Variants in TAOK3 observed in about 807,000 individuals in gnomAD.
TAOK3 encodes serine/threonine-protein kinase TAO3.
Under a neutral mutation model 120.4 loss-of-function variants are expected in TAOK3, and 40 were observed. That is an observed-to-expected ratio of 0.33 (90% CI 0.26 to 0.43). TAOK3 has a LOEUF of 0.43. Ranked by LOEUF, TAOK3 falls within the 20% of genes least tolerant of loss-of-function variation. The pLI is 1.00. For synonymous variants in TAOK3, 355 were observed against 387.5 expected (o/e 0.92, Z 0.99); for missense variants, 821 against 1,112.1 (o/e 0.74, Z 3.72).
chr12:118,225,216 C>G (rs2039442365), intron 9 of TAOK3, among the ~76,000 whole-genome samples: 1 of 131,832 alleles, frequency 7.6e-6, no homozygotes, highest in Non-Finnish European at 1.5e-5. Context: ...CCATTGCACT[C>G]TAGCCTGGGT....
Position 118,151,285 on chromosome 12 carries a change from G to A in TAOK3, c.2536-127C>T, listed in dbSNP as rs867296021. ...ATAGGCACACACATGAAGTGCGCGC[G>A]CGCGCACACACACACACACACACAC... On this transcript the variant is annotated intron_variant, in intron 20 of 20. Transcript: ENST00000392533. The A allele has an allele frequency of 2.5e-3, 1,558 of 612,498 alleles. 16 individuals carry two copies. The African/African-American group carries it at 0.034, about 13-fold the overall frequency. 37.9% of individuals were successfully genotyped at this position (612,498 alleles called of 1,614,324 possible). A position where few individuals can be genotyped will look rare whatever the true frequency, so the allele number is the denominator to read the frequency against.
At chr12:118,364,788 G>A (rs906639062) in intron 1 of TAOK3, among the ~76,000 whole-genome samples, 17 of 152,136 alleles carry the variant, frequency 1.1e-4, no homozygotes, top group Admixed American at 2.6e-4. Flanking sequence ...GCCTGTAATC[G>A]CAGCTACTCC....
chr12:118,363,398 T>C (rs1464861318), intron 1 of TAOK3, among the ~76,000 whole-genome samples: 1 of 152,184 alleles, frequency 6.6e-6, no homozygotes, highest in Non-Finnish European at 1.5e-5. Context: ...AAGATACTAG[T>C]TGCAAGACAC....
intron 1 of TAOK3, among the ~76,000 whole-genome samples, chr12:118,360,141 C>T (rs1449409899): frequency 2.6e-5 from 4 of 151,468 alleles, no homozygotes; most frequent in Non-Finnish European, 4.4e-5. Context: ...GGCAGGAGGC[C>T]GTAATCTCAG....
intron 16 of TAOK3, among the ~76,000 whole-genome samples, chr12:118,176,756 T>C (rs998109741): frequency 2.0e-5 from 3 of 152,014 alleles, no homozygotes; most frequent in Non-Finnish European, 4.4e-5. Context: ...TCTGTTTTAA[T>C]AGCATTTTAG....
chr12:118,233,780 G>T lies in TAOK3; in HGVS notation c.552-15C>A, dbSNP rs776931450. On this transcript the variant is annotated splice_polypyrimidine_tract_variant and intron_variant, in intron 8 of 20. Coordinates refer to ENST00000392533, the MANE Select transcript of TAOK3 (RefSeq NM_016281.4). ...CTGGAGCCATCCTACCAAACATAAGGTACAAAACTCAAGTTGGAGATTAAA... is the reference window on the plus strand; with the variant it reads ...CTGGAGCCATCCTACCAAACATAAGTTACAAAACTCAAGTTGGAGATTAAA... The T allele has an allele frequency of 6.3e-7, 1 of 1,576,562 alleles. No homozygotes were observed. The highest frequency in any genetic ancestry group is 8.6e-7 in the Non-Finnish European group (1 of 1,159,908).
rs1462893288 is a variant in TAOK3 at position 118,372,884 on chromosome 12, GC to G, written c.-431del. ...GGACCCTCCCGCGGCCGCCGCCGCT[GC>G]TGCTGTCCGAGGTGCGGCTCCTGCC... On this transcript the variant is annotated 5_prime_UTR_variant, in exon 1 of 21. Coordinates refer to ENST00000392533, the MANE Select transcript of TAOK3 (RefSeq NM_016281.4). The surrounding 1 kb of genome is among the most constrained non-coding windows in gnomAD (Gnocchi z 4.6). The G allele has an allele frequency of 6.5e-6, 1 of 154,448 alleles. No homozygotes were observed. The highest frequency in any genetic ancestry group is 2.4e-5 in the African/African-American group (1 of 41,474). The allele number at this position is 154,448 out of a possible 1,614,324, so 9.6% of individuals were successfully genotyped here. A position where few individuals can be genotyped will look rare whatever the true frequency, so the allele number is the denominator to read the frequency against.
At chr12:118,286,473 T>C (rs977373202) in intron 1 of TAOK3, among the ~76,000 whole-genome samples, 2 of 151,348 alleles carry the variant, frequency 1.3e-5, no homozygotes, top group African/African-American at 2.4e-5. Context: ...TATGAAAAAA[T>C]GCTCAACATC....
chr12:118,300,172 G>C (rs755123568), intron 1 of TAOK3, among the ~76,000 whole-genome samples: 84 of 152,176 alleles, frequency 5.5e-4, no homozygotes, highest in Non-Finnish European at 8.2e-4. Context: ...TTTAGAACTA[G>C]AGACAGCAAG....
At chr12:118,242,043 C>T (rs967095509) in intron 5 of TAOK3, among the ~76,000 whole-genome samples, 5 of 150,328 alleles carry the variant, frequency 3.3e-5, no homozygotes, top group African/African-American at 9.8e-5. Flanking sequence ...GCCGAGATCG[C>T]GCCATTGCAC....
intron 10 of TAOK3, among the ~76,000 whole-genome samples, chr12:118,213,721 A>G (rs1291234563): frequency 6.6e-6 from 1 of 152,146 alleles, no homozygotes; most frequent in African/African-American, 2.4e-5. Flanking sequence ...CAAGACCATC[A>G]TGACCTGGGA....
chr12:118,285,042 A>G (rs1301572711), intron 1 of TAOK3, among the ~76,000 whole-genome samples: 2 of 150,584 alleles, frequency 1.3e-5, no homozygotes, highest in Non-Finnish European at 3.0e-5. Context: ...TTGTCTTTCT[A>G]TGGGAATATA....
At chr12:118,210,335 A>G (rs1485693750) in intron 11 of TAOK3, among the ~76,000 whole-genome samples, 1 of 152,204 alleles carries the variant, frequency 6.6e-6, no homozygotes, top group Non-Finnish European at 1.5e-5. Flanking sequence ...TTATAATTTA[A>G]GAACATCTTG....
At chr12:118,168,992 CCTTCCTTCCTTTCTTT>C (rs2035801062) in intron 17 of TAOK3, among the ~76,000 whole-genome samples, 1 of 69,854 alleles carries the variant, frequency 1.4e-5, no homozygotes, top group South Asian at 4.3e-4. Context: ...TTCCTTCCTT[CCTTCCTTCCTTTCTTT>C]CTTTCTTTCT....
intron 9 of TAOK3, among the ~76,000 whole-genome samples, chr12:118,219,178 T>G (rs528941524): frequency 6.6e-6 from 1 of 152,132 alleles, no homozygotes; most frequent in Non-Finnish European, 1.5e-5. Flanking sequence ...AAGCTCGGTG[T>G]TTTTCACAAA....
rs79358303 is a variant in TAOK3, at chr12:118,163,300, T to A, written c.1900-1273A>T. Among the ~76,000 whole-genome samples the A allele has an allele frequency of 1.0e-3, 152 of 152,316 alleles. 1 individual carries two copies. The highest frequency in any genetic ancestry group is 1.8e-3 in the Non-Finnish European group (121 of 68,028). ...TACTGCTTCTGAGCCCTCCAGTAGG[T>A]CTAGCTGTATTACTGCTATTCGATT... On this transcript the variant is annotated intron_variant, in intron 17 of 20. Transcript: ENST00000392533.
In TAOK3 at chr12:118,324,893, C is replaced by T. The variant is rs1288388870; in HGVS notation, c.-194+47755G>A. Among the ~76,000 whole-genome samples the T allele has an allele frequency of 5.9e-5, 9 of 151,672 alleles. No homozygotes were observed. In the South Asian group the frequency reaches 8.4e-4, roughly 14 times the overall value. On this transcript the variant is annotated intron_variant, in intron 1 of 20. Coordinates refer to ENST00000392533, the MANE Select transcript of TAOK3 (RefSeq NM_016281.4). ...CCGAGTAGCTGGGACTACAGGCGCC[C>T]GCCACCAGGCCCAGCTAATTTTTTT...
Position 118,349,934 on chromosome 12 carries a change from C to G in TAOK3, c.-194+22714G>C, listed in dbSNP as rs537892786. Among the ~76,000 whole-genome samples, 52 of 152,308 alleles carry G rather than the reference C, an allele frequency of 3.4e-4. No homozygotes were observed. In the South Asian group the frequency reaches 9.9e-3, roughly 29 times the overall value. On this transcript the variant is annotated intron_variant, in intron 1 of 20. Coordinates refer to ENST00000392533, the MANE Select transcript of TAOK3 (RefSeq NM_016281.4). ...GTGGCGTCTTTAGGATGCAGCTGAA[C>G]TTCTCTAAGCCTTCATAACCTCATC...
chr12:118,268,679 A>G (rs1341796568), intron 1 of TAOK3, among the ~76,000 whole-genome samples: 1 of 152,212 alleles, frequency 6.6e-6, no homozygotes, highest in Non-Finnish European at 1.5e-5. Flanking sequence ...AATATTCCTT[A>G]TGACATCATA....
Sources: gnomAD v4.1 joint callset for allele counts (sites outside exome capture counted in the v4.1 genomes callset) on GRCh38, gnomAD v4.1.1 for gene constraint, Gnocchi (gnomAD v3.1) non-coding constraint, MANE v1.5 for transcripts, NCBI Gene and HGNC (gene_info 2026-07-23, HGNC 2026-07-21) for gene names.